BICD1: variants seen among roughly 807,000 people sequenced by gnomAD.
BICD1 encodes the protein protein bicaudal D homolog 1.
BICD1 carries 35 observed loss-of-function variants against 92.5 expected under a neutral mutation model. The observed-to-expected ratio is 0.38, with a 90% CI of 0.29 to 0.50. BICD1 has a LOEUF of 0.50. Among genes scored for constraint, BICD1 ranks in the 20% least tolerant of loss-of-function variants. The probability of loss-of-function intolerance (pLI) is 0.93; values close to 1 mark genes in which losing one functional copy is unlikely to be tolerated. For synonymous variants in BICD1, 429 were observed against 465.1 expected (o/e 0.92, Z 1.00); for missense variants, 950 against 1,189.8 (o/e 0.80, Z 2.97).
intron 2 of BICD1, among the ~76,000 whole-genome samples, chr12:32,225,404 G>C (rs537351693): frequency 1.3e-5 from 2 of 152,198 alleles, no homozygotes; most frequent in Admixed American, 1.3e-4. Context: ...ATTATAACTA[G>C]AGCTTCTATA....
intron 8 of BICD1, among the ~76,000 whole-genome samples, chr12:32,364,284 C>A (rs997794335): frequency 6.6e-6 from 1 of 152,120 alleles, no homozygotes; most frequent in Middle Eastern, 3.2e-3. Flanking sequence ...TTATTCCCCC[C>A]AAAGCAACGA....
At chr12:32,125,876 T>TAA (rs11320031) in intron 1 of BICD1, among the ~76,000 whole-genome samples, 16 of 140,606 alleles carry the variant, frequency 1.1e-4, no homozygotes, top group Non-Finnish European at 2.0e-4. Flanking sequence ...ACCCCGTCTC[T>TAA]AAAAAAAAAA....
chr12:32,130,887 G>T (rs1942522587), intron 1 of BICD1, among the ~76,000 whole-genome samples: 1 of 152,026 alleles, frequency 6.6e-6, no homozygotes, highest in Non-Finnish European at 1.5e-5. Context: ...GCCCAGGTTG[G>T]AGTTCAGTGG....
In BICD1 at chr12:32,200,353, C is replaced by T. The variant is rs769225180; in HGVS notation, c.214-15894C>T. On this transcript the variant is annotated intron_variant, in intron 1 of 9. Transcript: ENST00000652176. ...TCCCTTCCACCATAGCCGACCAGGA[C>T]AGAGATAGCTGGATGATGGTTTGCT... 1.5e-3 allele frequency among the ~76,000 whole-genome samples: 224 copies of T among 152,328 alleles called. 2 individuals carry two copies. Among genetic ancestry groups the T allele is most frequent in the South Asian group, 3.7e-3 (18 of 4,824 alleles).
chr12:32,298,785 G>C (rs937310985), intron 3 of BICD1, among the ~76,000 whole-genome samples: 10 of 147,332 alleles, frequency 6.8e-5, no homozygotes, highest in African/African-American at 2.6e-4. Context: ...CAGGAGAATC[G>C]CTTGAACCTG....
chr12:32,117,729 CACACACAT>C (rs1338636459), intron 1 of BICD1, among the ~76,000 whole-genome samples: 9 of 127,952 alleles, frequency 7.0e-5, no homozygotes, highest in South Asian at 2.5e-4. Context: ...CACACACACA[CACACACAT>C]ATATATATAT....
At chr12:32,259,074 A>C (rs111481363) in intron 2 of BICD1, among the ~76,000 whole-genome samples, 7,132 of 152,236 alleles carry the variant, frequency 0.047, 226 homozygotes, top group Middle Eastern at 0.11. Flanking sequence ...GGAGCCCTCA[A>C]GTGGCCCTTA....
At chr12:32,280,349 C>G (rs1260931211) in intron 2 of BICD1, among the ~76,000 whole-genome samples, 1 of 152,146 alleles carries the variant, frequency 6.6e-6, no homozygotes, top group Non-Finnish European at 1.5e-5. Context: ...AAGTAGTAAA[C>G]TTATATATCT....
intron 2 of BICD1, among the ~76,000 whole-genome samples, chr12:32,262,732 A>G (rs1946889345): frequency 6.6e-6 from 1 of 152,178 alleles, no homozygotes; most frequent in African/African-American, 2.4e-5. Context: ...GCCATAAGAC[A>G]AGGAATGCCA....
At chr12:32,148,565 A>T (rs1192120865) in intron 1 of BICD1, among the ~76,000 whole-genome samples, 2 of 152,182 alleles carry the variant, frequency 1.3e-5, no homozygotes, top group African/African-American at 4.8e-5. Flanking sequence ...CCAGCCCATG[A>T]ATCATGACCT....
intron 2 of BICD1, among the ~76,000 whole-genome samples, chr12:32,273,373 G>A (rs1003700387): frequency 1.7e-4 from 26 of 152,176 alleles, no homozygotes; most frequent in African/African-American, 6.3e-4. Context: ...GGAGGATAAG[G>A]TACAGCGGGA....
At chr12:32,123,770 C>T (rs9300208) in intron 1 of BICD1, among the ~76,000 whole-genome samples, 16,467 of 151,808 alleles carry the variant, frequency 0.11, 1,161 homozygotes, top group East Asian at 0.32. Flanking sequence ...CCCAGCTACC[C>T]GGGGGCTGAG....
At chr12:32,222,788 C>T (rs1052255342) in intron 2 of BICD1, among the ~76,000 whole-genome samples, 2 of 152,042 alleles carry the variant, frequency 1.3e-5, no homozygotes, top group Admixed American at 6.5e-5. Context: ...CCTTTTGGCC[C>T]TTTTGTCCTT....
chr12:32,334,329 A>C (rs1938010815), intron 5 of BICD1, among the ~76,000 whole-genome samples, 187 bp from the exon 6 acceptor site: 1 of 152,206 alleles, frequency 6.6e-6, no homozygotes, highest in Non-Finnish European at 1.5e-5. Context: ...TTATGAATTC[A>C]CAACACATTT....
At chr12:32,138,544 A>G (rs146003399) in intron 1 of BICD1, among the ~76,000 whole-genome samples, 10 of 152,238 alleles carry the variant, frequency 6.6e-5, no homozygotes, top group African/African-American at 2.2e-4. Context: ...TTTTGACTTT[A>G]TATAAACCAT....
At chr12:32,214,381 G>A (rs1945296016) in intron 1 of BICD1, among the ~76,000 whole-genome samples, 1 of 152,056 alleles carries the variant, frequency 6.6e-6, no homozygotes, top group African/African-American at 2.4e-5. Flanking sequence ...TAATGTGTCT[G>A]TATATCCAGA....
intron 2 of BICD1, among the ~76,000 whole-genome samples, chr12:32,267,401 C>T (rs1947027255): frequency 6.6e-6 from 1 of 152,044 alleles, no homozygotes; most frequent in African/African-American, 2.4e-5. Flanking sequence ...CTACTGTATC[C>T]CTAGCACTTA....
At chr12:32,131,073 G>A (rs1942529752) in intron 1 of BICD1, among the ~76,000 whole-genome samples, 1 of 152,026 alleles carries the variant, frequency 6.6e-6, no homozygotes, top group South Asian at 2.1e-4. Flanking sequence ...GACCTCAGGT[G>A]ATCTGCCCGC....
intron 1 of BICD1, among the ~76,000 whole-genome samples, chr12:32,186,875 T>C (rs1042984620): frequency 2.0e-5 from 3 of 152,240 alleles, no homozygotes; most frequent in Non-Finnish European, 4.4e-5. Context: ...ACTTTATTTC[T>C]TGAGGTCCAA....
Sources: gnomAD v4.1 joint callset for allele counts (sites outside exome capture counted in the v4.1 genomes callset) on GRCh38, gnomAD v4.1.1 for gene constraint, MANE v1.5 for transcripts, NCBI Gene and HGNC (gene_info 2026-07-23, HGNC 2026-07-21) for gene names.